FRMD4A: variants seen among roughly 807,000 people sequenced by gnomAD.
The protein encoded by FRMD4A is FERM domain-containing protein 4A.
FRMD4A carries 29 observed loss-of-function variants against 129.1 expected under a neutral mutation model. The ratio of observed to expected loss-of-function variants is 0.22; its 90% CI spans 0.17 to 0.31. FRMD4A has a LOEUF of 0.31. Ranked by LOEUF, FRMD4A falls within the 10% of genes least tolerant of loss-of-function variation. FRMD4A has a pLI of 1.00. For missense variants in FRMD4A, 1,272 were observed against 1,375.8 expected, an observed-to-expected ratio of 0.92 and a Z score of 1.19; for synonymous variants, 634 against 571.6, an observed-to-expected ratio of 1.11 and a Z score of -1.56.
chr10:13,663,361 G>C lies in FRMD4A; in HGVS notation c.1660+92C>G, dbSNP rs146363634. 58 of 764,694 alleles carry C rather than the reference G, an allele frequency of 7.6e-5. No homozygotes were observed. In the African/African-American group the frequency reaches 7.7e-4, roughly 10 times the overall value. 47.4% of individuals were successfully genotyped at this position (764,694 alleles called of 1,614,324 possible). Reference sequence around the variant, plus strand: ...CCAGCTGCCTTTTGGCCTGGCTCTTGCCTTTACACAAGGCAATCCCCAGAC... The same window carrying C: ...CCAGCTGCCTTTTGGCCTGGCTCTTCCCTTTACACAAGGCAATCCCCAGAC... On this transcript the variant is annotated intron_variant, in intron 19 of 24. Coordinates refer to ENST00000357447, the MANE Select transcript of FRMD4A (RefSeq NM_018027.5).
rs536274764 is a variant in FRMD4A at position 14,185,655 on chromosome 10, G to A, written c.45+144403C>T. 2.1e-4 allele frequency among the ~76,000 whole-genome samples: 32 copies of A among 152,300 alleles called. No individual in the cohort carries two copies. The South Asian group carries it at 6.6e-3, about 32-fold the overall frequency. On this transcript the variant is annotated intron_variant, in intron 2 of 24. Transcript: ENST00000357447. ...TGGTCAGAGAGCTGCAGGGGCGGTT[G>A]TTAGCTGTGCAGATGAGCAGAAGAG...
At chr10:13,735,175 A>G (rs556563469) in intron 12 of FRMD4A, among the ~76,000 whole-genome samples, 1 of 152,300 alleles carries the variant, frequency 6.6e-6, no homozygotes, top group Non-Finnish European at 1.5e-5. Context: ...GCCCGGCCAC[A>G]ATAACTGTTT....
At chr10:14,097,481 A>G (rs552226896) in intron 2 of FRMD4A, among the ~76,000 whole-genome samples, 121 of 152,304 alleles carry the variant, frequency 7.9e-4, no homozygotes, top group Non-Finnish European at 1.4e-3. Context: ...AATTTTCACA[A>G]TGTTCTTTAA....
At chr10:13,978,494 G>T (rs776980822) in intron 2 of FRMD4A, among the ~76,000 whole-genome samples, 2 of 151,944 alleles carry the variant, frequency 1.3e-5, no homozygotes, top group African/African-American at 4.8e-5. Context: ...TCTAATCCGG[G>T]TTCCACTTCC....
At chr10:13,725,561 A>G (rs945944754) in intron 12 of FRMD4A, among the ~76,000 whole-genome samples, 11 of 151,934 alleles carry the variant, frequency 7.2e-5, no homozygotes, top group Non-Finnish European at 2.9e-5. Context: ...GTTCATAGAC[A>G]GGTCAACCTT....
chr10:14,043,790 C>T (rs182567997), intron 2 of FRMD4A, among the ~76,000 whole-genome samples: 2 of 152,302 alleles, frequency 1.3e-5, no homozygotes, highest in East Asian at 3.9e-4. Context: ...TTAGTGGTAC[C>T]ATCATTCAAC....
At chr10:13,986,439 T>C (rs1337386191) in intron 2 of FRMD4A, among the ~76,000 whole-genome samples, 2 of 139,088 alleles carry the variant, frequency 1.4e-5, no homozygotes, top group African/African-American at 2.7e-5. Flanking sequence ...TAGATGGGAA[T>C]TGAACAATGA....
chr10:14,231,125 T>A (rs1843624903), intron 2 of FRMD4A, among the ~76,000 whole-genome samples: 1 of 152,196 alleles, frequency 6.6e-6, no homozygotes, highest in Admixed American at 6.5e-5. Flanking sequence ...TTATATTCCT[T>A]TGGATGTATA....
intron 4 of FRMD4A, among the ~76,000 whole-genome samples, chr10:13,799,458 C>T (rs1388593555): frequency 1.3e-5 from 2 of 152,184 alleles, no homozygotes; most frequent in Non-Finnish European, 2.9e-5. Flanking sequence ...GTGCCCAGCA[C>T]CAGTTGACTT....
intron 2 of FRMD4A, among the ~76,000 whole-genome samples, chr10:14,010,443 C>A (rs941535510): frequency 2.9e-4 from 44 of 152,164 alleles, no homozygotes; most frequent in African/African-American, 9.9e-4. Context: ...ACACATTCCA[C>A]ATCCTTCCCT....
intron 2 of FRMD4A, among the ~76,000 whole-genome samples, chr10:13,912,361 C>A (rs2094949769): frequency 6.6e-6 from 1 of 152,082 alleles, no homozygotes; most frequent in African/African-American, 2.4e-5. Flanking sequence ...GTGACCCATG[C>A]CTGGGTATAT....
intron 5 of FRMD4A, among the ~76,000 whole-genome samples, chr10:13,790,613 C>T (rs1275121371): frequency 2.0e-5 from 3 of 152,096 alleles, no homozygotes; most frequent in South Asian, 4.2e-4. Context: ...GGAGCATGTT[C>T]GAATGAGCCC....
chr10:14,202,641 T>C (rs887196104), intron 2 of FRMD4A, among the ~76,000 whole-genome samples: 20 of 152,188 alleles, frequency 1.3e-4, no homozygotes, highest in Admixed American at 3.3e-4. Context: ...CCTCAAGTGA[T>C]CTGCCTGCCT....
At chr10:13,918,685 C>T (rs1454237986) in intron 2 of FRMD4A, among the ~76,000 whole-genome samples, 1 of 151,952 alleles carries the variant, frequency 6.6e-6, no homozygotes, top group African/African-American at 2.4e-5. Context: ...TGCACCACCA[C>T]ACCTGGCTAA....
At chr10:14,134,685 G>A (rs2131833134) in intron 2 of FRMD4A, among the ~76,000 whole-genome samples, 1 of 152,024 alleles carries the variant, frequency 6.6e-6, no homozygotes, top group African/African-American at 2.4e-5. Context: ...ATGAATGGAT[G>A]GATGGGTGGG....
intron 2 of FRMD4A, among the ~76,000 whole-genome samples, chr10:14,049,735 A>G (rs1834169278): frequency 6.6e-6 from 1 of 152,138 alleles, no homozygotes; most frequent in South Asian, 2.1e-4. Context: ...CTCGCCTAGA[A>G]TCGCAGCTAC....
chr10:13,782,248 C>G (rs562410546), intron 6 of FRMD4A, among the ~76,000 whole-genome samples: 54 of 152,140 alleles, frequency 3.5e-4, no homozygotes, highest in African/African-American at 1.2e-3. Flanking sequence ...TTATAAGAAG[C>G]TCATTCCTAT....
At chr10:14,206,663 CG>C (rs1179890977) in intron 2 of FRMD4A, among the ~76,000 whole-genome samples, 1 of 151,494 alleles carries the variant, frequency 6.6e-6, no homozygotes, top group Non-Finnish European at 1.5e-5. Flanking sequence ...AAAAATTAGC[CG>C]GGCGTGGTGG....
At chr10:13,734,792 G>A (rs2090526702) in intron 12 of FRMD4A, among the ~76,000 whole-genome samples, 1 of 152,050 alleles carries the variant, frequency 6.6e-6, no homozygotes, top group Admixed American at 6.5e-5. Context: ...CCAGTGATGT[G>A]CTTGGCACCT....
Sources: allele counts gnomAD v4.1 joint callset (sites outside exome capture counted in the v4.1 genomes callset), GRCh38; gene constraint gnomAD v4.1.1; transcripts MANE v1.5; gene names NCBI Gene and HGNC (gene_info 2026-07-23, HGNC 2026-07-21).